The following SLC4A10 variants were observed in gnomAD, a reference collection of about 807,000 sequenced individuals.
The protein encoded by SLC4A10 is sodium-driven chloride bicarbonate exchanger.
SLC4A10 carries 42 observed loss-of-function variants against 137.7 expected under a neutral mutation model. The observed-to-expected ratio is 0.30, with a 90% CI of 0.24 to 0.39. The LOEUF (loss-of-function observed/expected upper bound fraction) is 0.39. SLC4A10 is among the 10% of genes least tolerant of loss of function. The pLI, the probability that SLC4A10 is intolerant of heterozygous loss-of-function variation, is 1.00. For synonymous variants in SLC4A10, 474 were observed against 464.1 expected (o/e 1.02, Z -0.27); for missense variants, 925 against 1,355.0 (o/e 0.68, Z 4.98).
chr2:161,701,203 T>C (rs527858146), intron 1 of SLC4A10, among the ~76,000 whole-genome samples: 1 of 152,158 alleles, frequency 6.6e-6, no homozygotes, highest in South Asian at 2.1e-4. Flanking sequence ...AGCACAGACA[T>C]ATGAGTCCTT....
At chr2:161,749,435 G>C (rs2048719642) in intron 1 of SLC4A10, among the ~76,000 whole-genome samples, 1 of 151,744 alleles carries the variant, frequency 6.6e-6, no homozygotes, top group South Asian at 2.1e-4. Context: ...ATTATGTTTA[G>C]GGAATTTATG....
intron 7 of SLC4A10, 31 bp downstream of exon 7, chr2:161,872,415 T>A: frequency 6.4e-7 from 1 of 1,558,904 alleles, no homozygotes; most frequent in Non-Finnish European, 8.8e-7. Flanking sequence ...TCTAAGTAAG[T>A]TGCTAAATTA....
intron 23 of SLC4A10, among the ~76,000 whole-genome samples, chr2:161,968,903 A>G (rs1698050567): frequency 6.6e-6 from 1 of 152,180 alleles, no homozygotes; most frequent in Non-Finnish European, 1.5e-5. Context: ...TATTTTCTTG[A>G]GGCTTACAGA....
intron 2 of SLC4A10, among the ~76,000 whole-genome samples, chr2:161,779,960 G>A (rs1211009902): frequency 2.0e-5 from 3 of 152,000 alleles, no homozygotes; most frequent in African/African-American, 7.2e-5. Flanking sequence ...GTAGAGTTGA[G>A]TAGTTGTGAC....
At position 161,667,489 on chromosome 2, in the gene SLC4A10, A is replaced by G. The variant is rs1235793629; in HGVS notation, c.48+42923A>G. On this transcript the variant is annotated intron_variant, in intron 1 of 26. Coordinates refer to ENST00000446997, the MANE Select transcript of SLC4A10 (RefSeq NM_001178015.2). ...CGTTTATGATTCAGCAACAAGAAGT[A>G]AGCTTTAATTTGACATTGCATAGGG... Among the ~76,000 whole-genome samples the G allele has an allele frequency of 5.9e-5, 9 of 151,706 alleles. No homozygotes were observed. In the South Asian group the frequency reaches 1.4e-3, roughly 24 times the overall value.
At chr2:161,709,738 G>A (rs1263313907) in intron 1 of SLC4A10, 2 of 151,520 alleles carry the variant, frequency 1.3e-5, no homozygotes, top group Non-Finnish European at 3.0e-5. Flanking sequence ...TATATATAAT[G>A]CATTTAACTT....
At chr2:161,966,488 A>G (rs1479759171) in intron 23 of SLC4A10, among the ~76,000 whole-genome samples, 1 of 152,142 alleles carries the variant, frequency 6.6e-6, no homozygotes, top group African/African-American at 2.4e-5. Flanking sequence ...GCAGTGGCTC[A>G]TGCCTGTAAT....
At chr2:161,802,921 TA>T (rs1240883293) in intron 2 of SLC4A10, among the ~76,000 whole-genome samples, 4 of 152,150 alleles carry the variant, frequency 2.6e-5, no homozygotes, top group African/African-American at 9.6e-5. Context: ...GCCCTATCTC[TA>T]AATACAGTCA....
chr2:161,972,647 A>G (rs939659559), intron 23 of SLC4A10, among the ~76,000 whole-genome samples: 1 of 152,230 alleles, frequency 6.6e-6, no homozygotes, highest in African/African-American at 2.4e-5. Context: ...GCAAAAGGGT[A>G]ATGTACATGC....
chr2:161,742,509 C>T (rs1474231525), intron 1 of SLC4A10, among the ~76,000 whole-genome samples: 3 of 130,572 alleles, frequency 2.3e-5, no homozygotes, highest in South Asian at 2.5e-4. Context: ...TCGCTGATTT[C>T]GGCTCACTGC....
At chr2:161,966,231 A>T (rs1216861156) in intron 23 of SLC4A10, among the ~76,000 whole-genome samples, 2 of 152,138 alleles carry the variant, frequency 1.3e-5, no homozygotes, top group African/African-American at 4.8e-5. Context: ...CTTACTCTAC[A>T]TGGTGTTCTA....
chr2:161,967,318 T>C (rs1374176023), intron 23 of SLC4A10, among the ~76,000 whole-genome samples: 1 of 152,158 alleles, frequency 6.6e-6, no homozygotes, highest in Non-Finnish European at 1.5e-5. Context: ...TTATTTCTCA[T>C]CTTGTACCCT....
chr2:161,873,487 T>A lies in SLC4A10; in HGVS notation c.859-429T>A, dbSNP rs376412981. 1.1e-4 allele frequency among the ~76,000 whole-genome samples: 15 copies of A among 132,316 alleles called. No homozygotes were observed. In the East Asian group the frequency reaches 2.2e-3, roughly 20 times the overall value. The allele number at this position is 132,316 out of a possible 152,430, so 86.8% of individuals were successfully genotyped here. A position where few individuals can be genotyped will look rare whatever the true frequency, so the allele number is the denominator to read the frequency against. On this transcript the variant is annotated intron_variant, in intron 7 of 26. Transcript: ENST00000446997. Reference sequence around the variant, plus strand: ...CAGAGATTGCAGTGAGCTGAGGTCGTGTCACTGCACTCCAGCCTGGGTGAC... The same window carrying A: ...CAGAGATTGCAGTGAGCTGAGGTCGAGTCACTGCACTCCAGCCTGGGTGAC...
chr2:161,728,190 C>A (rs756784583), intron 1 of SLC4A10, among the ~76,000 whole-genome samples: 1 of 152,126 alleles, frequency 6.6e-6, no homozygotes, highest in Non-Finnish European at 1.5e-5. Context: ...TTATATACTA[C>A]CAAAACTCAC....
chr2:161,950,171 G>A (rs997325486), intron 18 of SLC4A10, among the ~76,000 whole-genome samples: 2 of 151,938 alleles, frequency 1.3e-5, no homozygotes, highest in African/African-American at 4.8e-5. Context: ...ATACCATAAT[G>A]ATGTATTTTG....
chr2:161,655,707 A>G (rs1239821926), intron 1 of SLC4A10, among the ~76,000 whole-genome samples: 1 of 152,234 alleles, frequency 6.6e-6, no homozygotes, highest in African/African-American at 2.4e-5. Context: ...CCCTGCTACC[A>G]AAACCAGACA....
chr2:161,690,853 G>A (rs1022702365), intron 1 of SLC4A10, among the ~76,000 whole-genome samples: 7 of 152,182 alleles, frequency 4.6e-5, no homozygotes, highest in African/African-American at 1.7e-4. Flanking sequence ...TAAAACCTAT[G>A]TGATGGGTTG....
chr2:161,928,000 G>A (rs1436523992), intron 15 of SLC4A10, among the ~76,000 whole-genome samples: 1 of 149,064 alleles, frequency 6.7e-6, no homozygotes, highest in East Asian at 2.0e-4. Flanking sequence ...AATACCATTT[G>A]ACCCAGCCAT....
At chr2:161,810,282 T>C (rs2056414275) in intron 3 of SLC4A10, among the ~76,000 whole-genome samples, 3 of 152,028 alleles carry the variant, frequency 2.0e-5, no homozygotes, top group African/African-American at 4.8e-5. Flanking sequence ...TTTAGGGTTT[T>C]CTATTTCTAA....
Sources: gnomAD v4.1 joint callset for allele counts (sites outside exome capture counted in the v4.1 genomes callset) on GRCh38, gnomAD v4.1.1 for gene constraint, MANE v1.5 for transcripts, NCBI Gene and HGNC (gene_info 2026-07-23, HGNC 2026-07-21) for gene names.